PDE4D: variants seen among roughly 807,000 people sequenced by gnomAD.
PDE4D encodes phosphodiesterase 4D.
PDE4D carries 24 observed loss-of-function variants against 87.4 expected under a neutral mutation model. The ratio of observed to expected loss-of-function variants is 0.27; its 90% CI spans 0.20 to 0.39. The LOEUF (loss-of-function observed/expected upper bound fraction) is 0.39. Among genes scored for constraint, PDE4D ranks in the 10% least tolerant of loss-of-function variants. The pLI, the probability that PDE4D is intolerant of heterozygous loss-of-function variation, is 1.00. For synonymous variants in PDE4D, 384 were observed against 383.2 expected (o/e 1.00, Z -0.02); for missense variants, 714 against 1,041.0 (o/e 0.69, Z 4.32).
intron 1 of PDE4D, among the ~76,000 whole-genome samples, chr5:59,703,379 G>A (rs1476963460): frequency 6.6e-6 from 1 of 152,042 alleles, no homozygotes; most frequent in East Asian, 1.9e-4. Flanking sequence ...GTGACTTTCA[G>A]ACAATAATTA....
At chr5:60,310,610 C>G (rs1284952311) in intron 1 of PDE4D, among the ~76,000 whole-genome samples, 5 of 152,150 alleles carry the variant, frequency 3.3e-5, no homozygotes, top group African/African-American at 4.8e-5. Flanking sequence ...GACTTCTGGC[C>G]AACAGAATAG....
intron 2 of PDE4D, among the ~76,000 whole-genome samples, chr5:59,212,423 C>G (rs936329494): frequency 2.0e-5 from 3 of 152,014 alleles, no homozygotes; most frequent in Non-Finnish European, 4.4e-5. Context: ...CTAAACATAT[C>G]AACACATTAC....
chr5:60,109,957 C>T (rs1446984521), intron 2 of PDE4D, among the ~76,000 whole-genome samples: 7 of 151,264 alleles, frequency 4.6e-5, no homozygotes, highest in Non-Finnish European at 1.5e-5. Flanking sequence ...CACATGTATA[C>T]ATATGTAACT....
At chr5:60,408,648 T>C (rs1741779452) in intron 1 of PDE4D, among the ~76,000 whole-genome samples, 2 of 151,894 alleles carry the variant, frequency 1.3e-5, no homozygotes, top group South Asian at 2.1e-4. Flanking sequence ...CATGTTTGTA[T>C]TGAGCAGCTA....
chr5:59,691,434 G>T (rs973756304), intron 1 of PDE4D, among the ~76,000 whole-genome samples: 3 of 152,040 alleles, frequency 2.0e-5, no homozygotes, highest in African/African-American at 4.8e-5. Flanking sequence ...CATGGATGAA[G>T]CTGGAAACCA....
intron 1 of PDE4D, among the ~76,000 whole-genome samples, chr5:60,520,452 G>A (rs1283464104): frequency 2.0e-5 from 3 of 152,178 alleles, no homozygotes; most frequent in African/African-American, 7.2e-5. Flanking sequence ...CCTCACTTTG[G>A]TGGGAGACTT....
intron 1 of PDE4D, among the ~76,000 whole-genome samples, chr5:60,309,305 A>G (rs142341528): frequency 2.6e-5 from 4 of 152,302 alleles, no homozygotes; most frequent in Non-Finnish European, 5.9e-5. Context: ...TGTTTCCTAC[A>G]ACTTCCATTC....
chr5:59,621,276 A>G (rs1830322916), intron 1 of PDE4D, among the ~76,000 whole-genome samples: 2 of 152,288 alleles, frequency 1.3e-5, no homozygotes, highest in Middle Eastern at 3.4e-3. Flanking sequence ...GAGGTTGTAT[A>G]TTAGCAATAC....
At chr5:59,262,966 G>C (rs1762276540) in intron 1 of PDE4D, among the ~76,000 whole-genome samples, 1 of 151,826 alleles carries the variant, frequency 6.6e-6, no homozygotes, top group Non-Finnish European at 1.5e-5. Flanking sequence ...AATGGAAGGT[G>C]TGCCTAGATT....
intron 1 of PDE4D, among the ~76,000 whole-genome samples, chr5:59,747,918 C>T (rs1759861307): frequency 6.6e-6 from 1 of 152,152 alleles, no homozygotes; most frequent in Non-Finnish European, 1.5e-5. Flanking sequence ...TCTGCTGCTT[C>T]TTTCTCAAAA....
intron 1 of PDE4D, among the ~76,000 whole-genome samples, chr5:59,221,343 C>G (rs538299832): frequency 6.6e-6 from 1 of 152,252 alleles, no homozygotes; most frequent in African/African-American, 2.4e-5. Context: ...ACTAAATTTT[C>G]GTATGGGGCT....
At chr5:59,202,033 A>ATTTTTT (rs10641798) in intron 2 of PDE4D, among the ~76,000 whole-genome samples, 3,346 of 95,212 alleles carry the variant, frequency 0.035, 431 homozygotes, top group African/African-American at 0.076. Context: ...TGTTTTGATC[A>ATTTTTT]TTTTTTTTTT....
chr5:59,947,249 G>A (rs969275290), intron 3 of PDE4D, among the ~76,000 whole-genome samples: 2 of 152,158 alleles, frequency 1.3e-5, no homozygotes, highest in African/African-American at 4.8e-5. Flanking sequence ...TTTGTGTAGA[G>A]AGCACTTTGC....
chr5:59,072,184 A>T (rs539849528), intron 5 of PDE4D, among the ~76,000 whole-genome samples: 1 of 152,306 alleles, frequency 6.6e-6, no homozygotes, highest in Non-Finnish European at 1.5e-5. Flanking sequence ...GAACAGTTTC[A>T]TTCAGAAATA....
intron 1 of PDE4D, among the ~76,000 whole-genome samples, chr5:60,456,870 T>C (rs1333592097): frequency 1.3e-5 from 2 of 152,198 alleles, no homozygotes; most frequent in African/African-American, 2.4e-5. Flanking sequence ...AACAGTGTCC[T>C]ATACCTCTGT....
intron 1 of PDE4D, among the ~76,000 whole-genome samples, chr5:59,771,746 C>T (rs1442816685): frequency 6.6e-6 from 1 of 152,044 alleles, no homozygotes; most frequent in African/African-American, 2.4e-5. Context: ...CACAATTAAG[C>T]TAAATAGTAG....
chr5:59,968,289 G>A (rs1025555765), intron 3 of PDE4D, among the ~76,000 whole-genome samples: 3 of 151,740 alleles, frequency 2.0e-5, no homozygotes, highest in Non-Finnish European at 4.4e-5. Context: ...CGGCCCACTG[G>A]GTGCCATATT....
chr5:59,903,324 A>G (rs1037131138), intron 3 of PDE4D, among the ~76,000 whole-genome samples: 4 of 152,134 alleles, frequency 2.6e-5, no homozygotes, highest in African/African-American at 7.2e-5. Context: ...GAGAATTACT[A>G]GTTTAAAATA....
chr5:59,536,454 G>A (rs1269352821), intron 1 of PDE4D, among the ~76,000 whole-genome samples: 7 of 127,364 alleles, frequency 5.5e-5, no homozygotes, highest in Admixed American at 3.8e-4. Flanking sequence ...GCAGTGAGCC[G>A]AGATCATGCC....
Sources: allele counts gnomAD v4.1 joint callset (sites outside exome capture counted in the v4.1 genomes callset), GRCh38; gene constraint gnomAD v4.1.1; transcripts MANE v1.5; gene names NCBI Gene and HGNC (gene_info 2026-07-23, HGNC 2026-07-21).